The following CEP85L variants were observed in gnomAD, a reference collection of about 807,000 sequenced individuals.
CEP85L encodes centrosomal protein of 85 kDa-like.
Under a neutral mutation model 100.3 loss-of-function variants are expected in CEP85L, and 60 were observed. That is an observed-to-expected ratio of 0.60 (90% CI 0.49 to 0.74). The LOEUF is 0.74. Ranked by LOEUF, CEP85L falls within the 30% of genes least tolerant of loss-of-function variation. The pLI is 0.00. For missense variants in CEP85L, 973 were observed against 936.2 expected, an observed-to-expected ratio of 1.04 and a Z score of -0.51; for synonymous variants, 319 against 322.7, an observed-to-expected ratio of 0.99 and a Z score of 0.12.
At chr6:118,627,498 A>G (rs1367213905) in intron 2 of CEP85L, among the ~76,000 whole-genome samples, 2 of 152,238 alleles carry the variant, frequency 1.3e-5, no homozygotes, top group Non-Finnish European at 2.9e-5. Context: ...GCAACATGGC[A>G]AATGCATAGA....
At chr6:118,529,975 A>G (rs922292713) in intron 3 of CEP85L, among the ~76,000 whole-genome samples, 3 of 152,210 alleles carry the variant, frequency 2.0e-5, no homozygotes, top group African/African-American at 7.2e-5. Context: ...CTAACATGAA[A>G]AAATAGATGC....
At chr6:118,669,259 G>A (rs1366831839) in intron 1 of CEP85L, among the ~76,000 whole-genome samples, 1 of 152,174 alleles carries the variant, frequency 6.6e-6, no homozygotes, top group Admixed American at 6.5e-5. Context: ...ATCCTCTGAT[G>A]CGTTTCAGTT....
intron 3 of CEP85L, among the ~76,000 whole-genome samples, chr6:118,557,571 G>A (rs1778950968): frequency 6.6e-6 from 1 of 152,112 alleles, no homozygotes; most frequent in Admixed American, 6.6e-5. Flanking sequence ...GTTGTCCTGG[G>A]TTGAGTGTGA....
At chr6:118,598,287 C>A (rs146155226) in intron 2 of CEP85L, among the ~76,000 whole-genome samples, 1 of 152,298 alleles carries the variant, frequency 6.6e-6, no homozygotes, top group East Asian at 1.9e-4. Flanking sequence ...TACTGTCCAG[C>A]ACTTTTTTAA....
At chr6:118,537,521 T>TG in intron 3 of CEP85L, 1 of 985,210 alleles carries the variant, frequency 1.0e-6, no homozygotes, top group Non-Finnish European at 1.2e-6. Flanking sequence ...TATACATAGG[T>TG]ACCTCTTCTT....
At chr6:118,706,071 C>A (rs551624537) in intron 1 of CEP85L, among the ~76,000 whole-genome samples, 1 of 152,306 alleles carries the variant, frequency 6.6e-6, no homozygotes, top group Non-Finnish European at 1.5e-5. Flanking sequence ...AGGTGTGTGT[C>A]CCAGCTCCTC....
At chr6:118,483,882 T>G in intron 6 of CEP85L, 24 bp from the exon 7 acceptor site, 1 of 1,595,722 alleles carries the variant, frequency 6.3e-7, no homozygotes, top group Non-Finnish European at 8.5e-7. Context: ...ATTATGAACC[T>G]TCAGTAGTTT....
At chr6:118,569,581 A>C (rs919029283) in intron 2 of CEP85L, among the ~76,000 whole-genome samples, 7 of 151,926 alleles carry the variant, frequency 4.6e-5, no homozygotes, top group African/African-American at 1.7e-4. Flanking sequence ...CATGTTATTT[A>C]ATAGTTAGTT....
At chr6:118,676,458 C>A (rs2115437825) in intron 1 of CEP85L, among the ~76,000 whole-genome samples, 1 of 152,222 alleles carries the variant, frequency 6.6e-6, no homozygotes, top group African/African-American at 2.4e-5. Context: ...CTGTGCCTGG[C>A]TTATTTTACT....
intron 1 of CEP85L, among the ~76,000 whole-genome samples, chr6:118,707,378 G>A (rs1345876585): frequency 2.0e-5 from 3 of 151,512 alleles, no homozygotes; most frequent in Admixed American, 6.6e-5. Context: ...ATTTTTTGTA[G>A]AGATAAAATT....
chr6:118,655,978 T>C (rs1406885682), upstream of CEP85L, among the ~76,000 whole-genome samples: 1 of 152,228 alleles, frequency 6.6e-6, no homozygotes, highest in Non-Finnish European at 1.5e-5. Context: ...CCATGCCTTT[T>C]CCGCCATGCT....
At chr6:118,572,790 G>A (rs1000370044) in intron 2 of CEP85L, among the ~76,000 whole-genome samples, 14 of 152,118 alleles carry the variant, frequency 9.2e-5, no homozygotes, top group African/African-American at 3.1e-4. Flanking sequence ...GGCCGGGTGC[G>A]GTGGCTCACG....
At chr6:118,580,949 C>T (rs964783371) in intron 2 of CEP85L, among the ~76,000 whole-genome samples, 1 of 152,184 alleles carries the variant, frequency 6.6e-6, no homozygotes, top group African/African-American at 2.4e-5. Flanking sequence ...GGAGAGCACA[C>T]GGCATTTCCA....
chr6:118,499,833 G>A (rs114729671), intron 5 of CEP85L, among the ~76,000 whole-genome samples: 242 of 152,176 alleles, frequency 1.6e-3, no homozygotes, highest in African/African-American at 5.5e-3. Context: ...AAGCATGCAC[G>A]AATGTCCCCT....
At chr6:118,558,648 C>CAGAGAG (rs1407950940) in intron 3 of CEP85L, among the ~76,000 whole-genome samples, 17 of 137,256 alleles carry the variant, frequency 1.2e-4, no homozygotes, top group African/African-American at 5.5e-4. Context: ...CACACACACA[C>CAGAGAG]ACACACACAC....
intron 1 of CEP85L, among the ~76,000 whole-genome samples, chr6:118,679,348 G>A: frequency 6.6e-6 from 1 of 152,278 alleles, no homozygotes; most frequent in East Asian, 1.9e-4. Context: ...GTGATTAAAG[G>A]TTAGGCTCTA....
intron 3 of CEP85L, among the ~76,000 whole-genome samples, chr6:118,554,053 G>C (rs998185196): frequency 1.3e-5 from 2 of 152,102 alleles, no homozygotes. Context: ...ATTCACACTT[G>C]TAATCCCAGG....
intron 2 of CEP85L, among the ~76,000 whole-genome samples, chr6:118,603,854 A>G (rs115811846): frequency 2.5e-3 from 376 of 152,350 alleles, no homozygotes; most frequent in African/African-American, 8.5e-3. Context: ...AAAGAGGACT[A>G]AAACAAGACA....
At chr6:118,509,438 C>T (rs981163033) in intron 5 of CEP85L, among the ~76,000 whole-genome samples, 2 of 152,174 alleles carry the variant, frequency 1.3e-5, no homozygotes, top group African/African-American at 4.8e-5. Flanking sequence ...TAAAGCCTTG[C>T]TATCATGTGA....
Sources: gnomAD v4.1 joint callset for allele counts (sites outside exome capture counted in the v4.1 genomes callset) on GRCh38, gnomAD v4.1.1 for gene constraint, MANE v1.5 for transcripts, NCBI Gene and HGNC (gene_info 2026-07-23, HGNC 2026-07-21) for gene names.